RNF150: variants seen among roughly 807,000 people sequenced by gnomAD.
The protein encoded by RNF150 is ring finger protein 150.
A neutral mutation model predicts 39.3 loss-of-function variants in RNF150; 24 were observed. The observed-to-expected ratio is 0.61, with a 90% confidence interval of 0.44 to 0.86. The LOEUF (loss-of-function observed/expected upper bound fraction) is 0.86, where lower values mean the gene tolerates loss of function less well. RNF150 is among the 40% of genes least tolerant of loss of function. The pLI, the probability that RNF150 is intolerant of heterozygous loss-of-function variation, is 0.00. For missense variants in RNF150, 502 were observed against 587.8 expected (o/e 0.85, Z 1.51); for synonymous variants, 255 against 227.3 (o/e 1.12, Z -1.10).
chr4:141,205,270 T>G (rs1289012288), intron 1 of RNF150, among the ~76,000 whole-genome samples: 1 of 152,160 alleles, frequency 6.6e-6, no homozygotes, highest in African/African-American at 2.4e-5. Context: ...CATACAATGT[T>G]TATAAGATGT....
intron 4 of RNF150, among the ~76,000 whole-genome samples, chr4:140,931,367 A>T (rs575005600): frequency 3.3e-5 from 5 of 152,356 alleles, no homozygotes; most frequent in African/African-American, 1.2e-4. Context: ...TTATTAATTC[A>T]CAATCATTTC....
chr4:141,177,325 T>G (rs1178779424), intron 1 of RNF150, among the ~76,000 whole-genome samples: 1 of 152,200 alleles, frequency 6.6e-6, no homozygotes, highest in African/African-American at 2.4e-5. Context: ...TGATACATCC[T>G]AAGCCCAAGT....
At chr4:140,984,858 G>A (rs1733972027) in intron 1 of RNF150, among the ~76,000 whole-genome samples, 1 of 152,106 alleles carries the variant, frequency 6.6e-6, no homozygotes, top group African/African-American at 2.4e-5. Context: ...TTTCTGCACT[G>A]TTTCCCAGAG....
chr4:141,209,395 AAC>A (rs1354031586), intron 1 of RNF150, among the ~76,000 whole-genome samples: 5 of 152,184 alleles, frequency 3.3e-5, no homozygotes, highest in Non-Finnish European at 5.9e-5. Flanking sequence ...GTGAATATGT[AAC>A]AGTTTATTAA....
chr4:141,009,900 C>G (rs766258459), intron 1 of RNF150, among the ~76,000 whole-genome samples: 27 of 152,190 alleles, frequency 1.8e-4, no homozygotes, highest in Non-Finnish European at 3.4e-4. Context: ...GCCTGTTCCT[C>G]TAGAGCCCAG....
intron 4 of RNF150, among the ~76,000 whole-genome samples, chr4:140,939,937 A>G (rs572458663): frequency 2.0e-5 from 3 of 152,306 alleles, no homozygotes; most frequent in African/African-American, 7.2e-5. Context: ...CAGCACTCCA[A>G]TTCAGACTTC....
At chr4:140,925,120 C>T (rs1541735) in intron 5 of RNF150, among the ~76,000 whole-genome samples, 83,861 of 152,008 alleles carry the variant, frequency 0.55, 23,623 homozygotes, top group East Asian at 0.89. Flanking sequence ...GGGGAGCTGG[C>T]ATCTGCATTT....
intron 6 of RNF150, among the ~76,000 whole-genome samples, chr4:140,877,888 C>T (rs1729218715): frequency 6.6e-6 from 1 of 152,078 alleles, no homozygotes; most frequent in African/African-American, 2.4e-5. Flanking sequence ...AATGGAATTC[C>T]TTCCAGAAGG....
At chr4:141,204,003 T>C (rs1279835735) in intron 1 of RNF150, among the ~76,000 whole-genome samples, 1 of 152,108 alleles carries the variant, frequency 6.6e-6, no homozygotes. Context: ...GGTAACACTG[T>C]GTAAAATGCA....
chr4:141,188,278 C>T (rs372961976), intron 1 of RNF150, among the ~76,000 whole-genome samples: 2 of 152,148 alleles, frequency 1.3e-5, no homozygotes, highest in African/African-American at 2.4e-5. Flanking sequence ...CTGCCCTTAA[C>T]ATTTTTTCCT....
intron 1 of RNF150, among the ~76,000 whole-genome samples, chr4:141,007,766 A>G (rs1439362516): frequency 1.3e-5 from 2 of 151,932 alleles, no homozygotes; most frequent in African/African-American, 4.8e-5. Context: ...CCCATTTTAC[A>G]CTCTCCTAGG....
At chr4:141,179,790 AG>A in intron 1 of RNF150, among the ~76,000 whole-genome samples, 1 of 152,304 alleles carries the variant, frequency 6.6e-6, no homozygotes, top group Admixed American at 6.5e-5. Context: ...ATTACTGTGG[AG>A]CCAGAAGATC....
intron 2 of RNF150, among the ~76,000 whole-genome samples, chr4:140,960,330 T>C (rs1452925991): frequency 6.6e-6 from 1 of 152,198 alleles, no homozygotes; most frequent in Non-Finnish European, 1.5e-5. Flanking sequence ...TATCTATATT[T>C]TGGTCTTCAT....
intron 6 of RNF150, among the ~76,000 whole-genome samples, chr4:140,879,289 TAA>T (rs1220436743): frequency 2.6e-5 from 4 of 152,246 alleles, no homozygotes; most frequent in Non-Finnish European, 4.4e-5. Context: ...GGGATTTTGA[TAA>T]AGATTCCATT....
At chr4:141,032,535 A>G (rs1270933669) in intron 1 of RNF150, among the ~76,000 whole-genome samples, 1 of 152,148 alleles carries the variant, frequency 6.6e-6, no homozygotes, top group South Asian at 2.1e-4. Context: ...CACAAAGGGT[A>G]TACCAAAACA....
At chr4:141,130,494 G>A (rs1726865692) in intron 1 of RNF150, among the ~76,000 whole-genome samples, 1 of 152,058 alleles carries the variant, frequency 6.6e-6, no homozygotes, top group Non-Finnish European at 1.5e-5. Context: ...TCATTTGTGT[G>A]GGAAATCTGC....
intron 5 of RNF150, among the ~76,000 whole-genome samples, chr4:140,917,145 A>C (rs1258257419): frequency 6.6e-6 from 1 of 152,236 alleles, no homozygotes; most frequent in South Asian, 2.1e-4. Flanking sequence ...TAATGAGCAA[A>C]ATAACCAGCT....
At chr4:141,212,435 G>T (rs1728482348) in intron 1 of RNF150, among the ~76,000 whole-genome samples, 1 of 152,144 alleles carries the variant, frequency 6.6e-6, no homozygotes, top group South Asian at 2.1e-4. Flanking sequence ...GAATACAGCA[G>T]TGAAGACCTT....
At chr4:140,946,163 T>A (rs1192126488) in intron 4 of RNF150, among the ~76,000 whole-genome samples, 3 of 152,236 alleles carry the variant, frequency 2.0e-5, no homozygotes, top group African/African-American at 7.2e-5. Flanking sequence ...TGAATCACAA[T>A]TGACGGCTTT....
Sources: gnomAD v4.1 joint callset for allele counts (sites outside exome capture counted in the v4.1 genomes callset) on GRCh38, gnomAD v4.1.1 for gene constraint, MANE v1.5 for transcripts, NCBI Gene and HGNC (gene_info 2026-07-23, HGNC 2026-07-21) for gene names.